KCTD1: variants seen among roughly 807,000 people sequenced by gnomAD.
KCTD1 encodes potassium channel tetramerization domain containing 1, also known as BTB/POZ domain-containing protein KCTD1.
Under a neutral mutation model 66.0 loss-of-function variants are expected in KCTD1, and 24 were observed. The observed-to-expected ratio is 0.36, with a 90% CI of 0.26 to 0.51. The LOEUF (loss-of-function observed/expected upper bound fraction) is 0.51, where lower values mean the gene tolerates loss of function less well. KCTD1 is among the 20% of genes least tolerant of loss of function. KCTD1 has a pLI of 0.95. For synonymous variants in KCTD1, 511 were observed against 517.2 expected (o/e 0.99, Z 0.16); for missense variants, 943 against 1,205.2 (o/e 0.78, Z 3.22).
intron 1 of KCTD1, among the ~76,000 whole-genome samples, chr18:26,608,794 C>T (rs1190665123): frequency 2.0e-5 from 3 of 152,202 alleles, no homozygotes; most frequent in African/African-American, 7.2e-5. Context: ...AAGTGAGCTG[C>T]GTCTTTTCTG....
chr18:26,456,953 C>T (rs1399757108), intron 4 of KCTD1: 1 of 150,156 alleles, frequency 6.7e-6, no homozygotes, highest in Non-Finnish European at 1.5e-5. Context: ...CAAAAAAACC[C>T]ACCTCAAAAA....
chr18:26,578,342 GC>G (rs1178826471), intron 1 of KCTD1, among the ~76,000 whole-genome samples: 1 of 151,992 alleles, frequency 6.6e-6, no homozygotes, highest in African/African-American at 2.4e-5. Context: ...GAACTGAACC[GC>G]CTTTAATGAA....
intron 1 of KCTD1, among the ~76,000 whole-genome samples, chr18:26,656,133 G>GGTTC (rs1202233262): frequency 6.6e-6 from 1 of 152,192 alleles, no homozygotes; most frequent in East Asian, 1.9e-4. Flanking sequence ...CCCGAGCGCT[G>GGTTC]GTTCAGACGG....
intron 1 of KCTD1, among the ~76,000 whole-genome samples, chr18:26,603,751 A>AAAAAAAAT: frequency 6.8e-6 from 1 of 146,766 alleles, no homozygotes; most frequent in Non-Finnish European, 1.5e-5. Flanking sequence ...TCAAAAAAAT[A>AAAAAAAAT]AAATAAATAA....
Position 26,512,249 on chromosome 18 carries a change from G to A in KCTD1, c.1810-10999C>T, listed in dbSNP as rs192544515. ...CTCCCGAGTAGCTGGGACTACAGGCGCACACTGCCACACCCAGCTAATTTT... is the reference window on the plus strand; with the variant it reads ...CTCCCGAGTAGCTGGGACTACAGGCACACACTGCCACACCCAGCTAATTTT... On this transcript the variant is annotated intron_variant, in intron 1 of 4. Coordinates refer to ENST00000580059, the MANE Select transcript of KCTD1 (RefSeq NM_001142730.3). Among the ~76,000 whole-genome samples, 11 of 151,830 alleles carry A rather than the reference G, an allele frequency of 7.2e-5. No homozygotes were observed. The East Asian group carries it at 1.9e-3, about 27-fold the overall frequency.
intron 1 of KCTD1, among the ~76,000 whole-genome samples, chr18:26,585,464 C>T (rs752112964): frequency 2.1e-4 from 32 of 152,068 alleles, no homozygotes; most frequent in Non-Finnish European, 3.8e-4. Flanking sequence ...ATGCAGGGGC[C>T]TCTGTTCATT....
chr18:26,591,011 GA>G (rs1986588790), intron 1 of KCTD1, among the ~76,000 whole-genome samples: 1 of 152,056 alleles, frequency 6.6e-6, no homozygotes, highest in African/African-American at 2.4e-5. Flanking sequence ...CAGTGGTTCA[GA>G]TTAGATAATG....
chr18:26,576,857 T>TA (rs1282385185), intron 1 of KCTD1, among the ~76,000 whole-genome samples: 2 of 152,174 alleles, frequency 1.3e-5, no homozygotes, highest in African/African-American at 4.8e-5. Flanking sequence ...GCACTTGTTT[T>TA]AAAAAAATTG....
chr18:26,542,297 T>C (rs1985008183), intron 1 of KCTD1, among the ~76,000 whole-genome samples: 1 of 152,226 alleles, frequency 6.6e-6, no homozygotes, highest in African/African-American at 2.4e-5. Context: ...TACTACCTTA[T>C]CCCTTATATA....
chr18:26,547,122 C>G lies in KCTD1; in HGVS notation c.1415G>C (p.Gly472Ala). ...NSIAGIGTKL[G>A]SPAPQGCYAE... The stretch of plus-strand genomic sequence containing the variant: ...GTAGCAGCCCTGCGGGGCGGGCGAG[C>G]CCAGCTTGGTGCCAATGCCCGCGAT... The change falls in exon 1 of 5, where the codon GGC (glycine) becomes GCC (alanine). Residue 472 changes from glycine to alanine, a missense_variant. This residue lies in a region of KCTD1 where 197 missense variants were observed against 182.7 expected (regional missense o/e 1.08). Transcript: ENST00000580059. 1 of 1,550,226 alleles carries G rather than the reference C, an allele frequency of 6.5e-7. No homozygotes were observed. The highest frequency in any genetic ancestry group is 2.4e-5 in the East Asian group (1 of 40,918).
Position 26,612,699 on chromosome 18 carries a change from T to C in KCTD1, c.-16+16448A>G, listed in dbSNP as rs760686076. Reference sequence around the variant, plus strand: ...AACTGTGGTCAATAAATTTCTGACATTTAAGCCATTCAGTGTGTGGTACTT... The same window carrying C: ...AACTGTGGTCAATAAATTTCTGACACTTAAGCCATTCAGTGTGTGGTACTT... On this transcript the variant is annotated intron_variant, in intron 1 of 4. Coordinates refer to the KCTD1 transcript ENST00000317932. Among the ~76,000 whole-genome samples, 10 of 152,230 alleles carry C rather than the reference T, an allele frequency of 6.6e-5. 1 individual carries two copies. The highest frequency in any genetic ancestry group is 2.9e-5 in the Non-Finnish European group (2 of 68,044).
At chr18:26,457,054 A>G (rs978706690) in intron 4 of KCTD1, 9 of 151,552 alleles carry the variant, frequency 5.9e-5, no homozygotes, top group Admixed American at 4.6e-4. Context: ...CTACTTCAAT[A>G]TAGAATATAG....
intron 1 of KCTD1, among the ~76,000 whole-genome samples, chr18:26,617,854 AGGGAGGGAGGG>A (rs1987288999): frequency 1.9e-3 from 6 of 3,154 alleles, no homozygotes; most frequent in Admixed American, 3.6e-3. Context: ...GAAGGAAGGG[AGGGAGGGAGGG>A]AGGGAGGGAG....
rs1980848346 is a variant in KCTD1 at position 26,468,105 on chromosome 18, C to A, written c.2134-8180G>T. ...CTCTTGGTGTGCTGAGAGTTGCAAC[C>A]ACGTGTGTGTGTGTGCCTATGCATG... On this transcript the variant is annotated intron_variant, in intron 3 of 4. Coordinates refer to ENST00000580059, the MANE Select transcript of KCTD1 (RefSeq NM_001142730.3). The surrounding 1 kb of genome is among the most constrained non-coding windows in gnomAD (Gnocchi z 4.8). Among the ~76,000 whole-genome samples the A allele has an allele frequency of 6.6e-6, 1 of 152,162 alleles. No individual in the cohort carries two copies. Among genetic ancestry groups the A allele is most frequent in the South Asian group, 2.1e-4 (1 of 4,818 alleles).
chr18:26,584,915 C>A (rs929900649), intron 1 of KCTD1, among the ~76,000 whole-genome samples: 1 of 152,162 alleles, frequency 6.6e-6, no homozygotes, highest in Non-Finnish European at 1.5e-5. Flanking sequence ...AGAGAGACGG[C>A]AGCTCCCTGT....
At position 26,509,879 on chromosome 18, in the gene KCTD1, G is replaced by A. The variant is rs138525020; in HGVS notation, c.1810-8629C>T. Among the ~76,000 whole-genome samples the A allele has an allele frequency of 6.4e-3, 981 of 152,280 alleles. 11 individuals are homozygous for A. Among genetic ancestry groups the A allele is most frequent in the African/African-American group, 0.022 (926 of 41,546 alleles). On this transcript the variant is annotated intron_variant, in intron 1 of 4. Transcript: ENST00000580059. ...GCGATCTCTGAGAAGTTACCAAACC[G>A]ATCTAACCCCAGTATCCTCATCTCT...
At chr18:26,609,836 C>T (rs971537031) in intron 1 of KCTD1, among the ~76,000 whole-genome samples, 1 of 152,218 alleles carries the variant, frequency 6.6e-6, no homozygotes, top group South Asian at 2.1e-4. Flanking sequence ...CCACCGGCTC[C>T]AGTGACAAAC....
chr18:26,643,919 A>G (rs556952553), upstream of KCTD1, among the ~76,000 whole-genome samples: 32 of 151,986 alleles, frequency 2.1e-4, no homozygotes, highest in African/African-American at 4.8e-4. Flanking sequence ...CTGAGATAGC[A>G]CCACTGCACT....
chr18:26,634,648 G>C (rs183871281), intron 1 of KCTD1, among the ~76,000 whole-genome samples: 2 of 152,184 alleles, frequency 1.3e-5, no homozygotes, highest in Non-Finnish European at 2.9e-5. Context: ...AGTAAATGCT[G>C]TCAATCTTGT....
Sources: gnomAD v4.1 joint callset for allele counts (sites outside exome capture counted in the v4.1 genomes callset) on GRCh38, gnomAD v4.1.1 for gene constraint, gnomAD v4.1.1 regional missense constraint, Gnocchi (gnomAD v3.1) non-coding constraint, MANE v1.5 for transcripts, NCBI Gene and HGNC (gene_info 2026-07-23, HGNC 2026-07-21) for gene names.